Variants in ARAP2 observed in about 807,000 individuals in gnomAD.
ARAP2 encodes the protein arf-GAP with Rho-GAP domain, ANK repeat and PH domain-containing protein 2.
Under a neutral mutation model 194.5 loss-of-function variants are expected in ARAP2, and 148 were observed. The observed-to-expected ratio is 0.76, with a 90% confidence interval of 0.67 to 0.87. The LOEUF (loss-of-function observed/expected upper bound fraction) is 0.87, where lower values mean the gene tolerates loss of function less well. ARAP2 is among the 40% of genes least tolerant of loss of function. ARAP2 has a pLI of 0.00. For missense variants in ARAP2, 2,128 were observed against 1,989.7 expected, an observed-to-expected ratio of 1.07 and a Z score of -1.32; for synonymous variants, 695 against 683.5, an observed-to-expected ratio of 1.02 and a Z score of -0.26.
At chr4:36,045,621 A>C (rs1721687013) in intron 5 of ARAP2, among the ~76,000 whole-genome samples, 1 of 152,190 alleles carries the variant, frequency 6.6e-6, no homozygotes, top group South Asian at 2.1e-4. Flanking sequence ...TCTTCTAGTC[A>C]TCAATTACAC....
chr4:36,124,974 G>C lies in ARAP2; in HGVS notation c.3641-7C>G. The C allele has an allele frequency of 6.4e-7, 1 of 1,555,150 alleles. No homozygotes were observed. The highest frequency in any genetic ancestry group is 2.3e-5 in the East Asian group (1 of 44,214). On this transcript the variant is annotated splice_region_variant and splice_polypyrimidine_tract_variant and intron_variant, in intron 21 of 32. Transcript: ENST00000303965. ...TCCTTGTCATCTTGCGTATCTGAAG[G>C]GGAAAAAAAAACAATCTTGAGATCT...
intron 26 of ARAP2, among the ~76,000 whole-genome samples, chr4:36,108,009 T>TC (rs1246784442): frequency 6.6e-6 from 1 of 151,888 alleles, no homozygotes; most frequent in African/African-American, 2.4e-5. Flanking sequence ...TATAATAAAT[T>TC]CTACCCCTTG....
rs551584013 is a variant in ARAP2 at position 36,181,466 on chromosome 4, A to G, written c.1679-3461T>C. 1.1e-4 allele frequency among the ~76,000 whole-genome samples: 17 copies of G among 152,350 alleles called. No individual in the cohort carries two copies. In the South Asian group the frequency reaches 2.9e-3, roughly 26 times the overall value. On this transcript the variant is annotated intron_variant, in intron 8 of 32. Transcript: ENST00000303965. ...TCTCTGGACTACTGGGTTTAGCAGT[A>G]GGCATACTCCTTAATAACAAGGGAT...
At chr4:36,119,778 C>A (rs1015929425) in intron 23 of ARAP2, 60 bp from the exon 24 acceptor site, 7 of 1,172,188 alleles carry the variant, frequency 6.0e-6, no homozygotes, top group South Asian at 1.4e-5. Context: ...TGATGACACT[C>A]ATCCTCATGT....
intron 9 of ARAP2, among the ~76,000 whole-genome samples, chr4:36,007,273 G>T (rs895460208): frequency 2.0e-5 from 3 of 152,096 alleles, no homozygotes; most frequent in Admixed American, 6.6e-5. Context: ...ATGCAATTAA[G>T]TAAAGTAACT....
At chr4:36,172,775 T>C (rs1736938356) in intron 9 of ARAP2, among the ~76,000 whole-genome samples, 1 of 152,192 alleles carries the variant, frequency 6.6e-6, no homozygotes, top group African/African-American at 2.4e-5. Flanking sequence ...ACTCGGTGCT[T>C]AAACATTTGT....
chr4:36,211,336 G>C (rs1390211063), intron 5 of ARAP2, among the ~76,000 whole-genome samples: 1 of 152,134 alleles, frequency 6.6e-6, no homozygotes, highest in Non-Finnish European at 1.5e-5. Flanking sequence ...CATTCAGGAA[G>C]TAAAAGCTAT....
At chr4:36,059,374 G>A (rs984459763) in intron 1 of ARAP2, among the ~76,000 whole-genome samples, 1 of 152,160 alleles carries the variant, frequency 6.6e-6, no homozygotes, top group African/African-American at 2.4e-5. Context: ...ATCAACGGCA[G>A]AGTGTAAAAG....
At chr4:36,128,490 A>ACACACC (rs747505254) in intron 21 of ARAP2, 43 bp downstream of exon 21, 2 of 1,463,350 alleles carry the variant, frequency 1.4e-6, no homozygotes, top group Non-Finnish European at 1.9e-6. Context: ...ACACACACAC[A>ACACACC]CACACACACA....
intron 32 of ARAP2, among the ~76,000 whole-genome samples, 187 bp downstream of exon 32, chr4:36,073,502 G>T (rs1727517068): frequency 6.6e-6 from 1 of 152,084 alleles, no homozygotes; most frequent in Admixed American, 6.6e-5. Context: ...GGTGGTCAAT[G>T]ATATTAAAAT....
At chr4:36,024,576 A>G (rs1029109498) in intron 5 of ARAP2, among the ~76,000 whole-genome samples, 2 of 152,134 alleles carry the variant, frequency 1.3e-5, no homozygotes, top group African/African-American at 4.8e-5. Context: ...CTAAAACTTG[A>G]ATCCAGTTGT....
At chr4:36,012,833 T>C (rs1002085848) in intron 8 of ARAP2, 1 of 152,200 alleles carries the variant, frequency 6.6e-6, no homozygotes, top group African/African-American at 2.4e-5. Context: ...GGCTCTTTCC[T>C]GTGGAAGACA....
intron 6 of ARAP2, among the ~76,000 whole-genome samples, chr4:36,017,191 G>GA (rs1560270206): frequency 2.0e-5 from 3 of 151,616 alleles, no homozygotes; most frequent in African/African-American, 4.8e-5. Flanking sequence ...AGATAAAAAT[G>GA]AAAAATGGAT....
At chr4:36,128,823 T>C in intron 20 of ARAP2, 78 bp from the exon 21 acceptor site, 5 of 1,157,782 alleles carry the variant, frequency 4.3e-6, no homozygotes, top group East Asian at 5.1e-5. Flanking sequence ...ACAAAACAAA[T>C]GTTTGTGTTG....
chr4:36,155,675 T>A (rs1732107714), intron 15 of ARAP2, among the ~76,000 whole-genome samples: 1 of 151,830 alleles, frequency 6.6e-6, no homozygotes, highest in Non-Finnish European at 1.5e-5. Flanking sequence ...TTTTAATTTT[T>A]TTTTTAGACC....
chr4:36,060,311 G>A (rs1437646169), intron 1 of ARAP2, among the ~76,000 whole-genome samples: 2 of 152,156 alleles, frequency 1.3e-5, no homozygotes, highest in Non-Finnish European at 2.9e-5. Flanking sequence ...GAGAACTCGA[G>A]TCTTTACAAG....
chr4:36,227,596 CA>C (rs1750617285), intron 2 of ARAP2, among the ~76,000 whole-genome samples: 5 of 152,056 alleles, frequency 3.3e-5, no homozygotes. Flanking sequence ...CAGTAGCGGC[CA>C]CAGATTCAAA....
chr4:36,101,967 A>C (rs1717061472), intron 27 of ARAP2, among the ~76,000 whole-genome samples: 1 of 110,570 alleles, frequency 9.0e-6, no homozygotes, highest in South Asian at 3.7e-4. Context: ...TACTCCTTTG[A>C]CAATTTACGT....
At chr4:36,189,174 G>C (rs1055602293) in intron 7 of ARAP2, among the ~76,000 whole-genome samples, 1 of 152,092 alleles carries the variant, frequency 6.6e-6, no homozygotes, top group African/African-American at 2.4e-5. Context: ...CAAGAAATAA[G>C]CACTTAGTAA....
Sources: gnomAD v4.1 joint callset for allele counts (sites outside exome capture counted in the v4.1 genomes callset) on GRCh38, gnomAD v4.1.1 for gene constraint, MANE v1.5 for transcripts, NCBI Gene and HGNC (gene_info 2026-07-23, HGNC 2026-07-21) for gene names.